The following LRIF1 variants were observed in gnomAD, a reference collection of about 807,000 sequenced individuals.
LRIF1 encodes the protein ligand-dependent nuclear receptor-interacting factor 1.
In LRIF1, 32 loss-of-function variants were observed where a neutral mutation model predicts 52.7. The observed-to-expected ratio is 0.61, with a 90% CI of 0.46 to 0.82. LRIF1 has a LOEUF of 0.82. Ranked by LOEUF, LRIF1 falls within the 40% of genes least tolerant of loss-of-function variation. The probability of loss-of-function intolerance (pLI) is 0.00; values close to 1 mark genes in which losing one functional copy is unlikely to be tolerated. For missense variants in LRIF1, 887 were observed against 892.0 expected, an observed-to-expected ratio of 0.99 and a Z score of 0.07; for synonymous variants, 323 against 317.4, an observed-to-expected ratio of 1.02 and a Z score of -0.19.
In LRIF1 at chr1:110,952,714, G is replaced by T; in HGVS notation, c.170C>A (p.Pro57Gln). ...PIPKSSGNLIPLVQSSVMSDA... is the reference protein window; with the variant it reads ...PIPKSSGNLIQLVQSSVMSDA... ...AGACATGACTGAAGATTGAACTAGTGGTATAAGATTTCCAGAAGACTTAGG... is the reference window on the plus strand; with the variant it reads ...AGACATGACTGAAGATTGAACTAGTTGTATAAGATTTCCAGAAGACTTAGG... The change falls in exon 2 of 4, where the codon CCA becomes CAA. Residue 57 changes from proline (P) to glutamine (Q), a missense_variant. Physicochemically the swap from Pro to Gln is moderately conservative, Grantham distance 76. Transcript: ENST00000369763. The T allele has an allele frequency of 6.2e-7, 1 of 1,613,786 alleles. No homozygotes were observed. The highest frequency in any genetic ancestry group is 1.1e-5 in the South Asian group (1 of 91,048).
chr1:110,892,268 C>A, the LRIF1 span: 1 of 1,016,596 alleles, frequency 9.8e-7, no homozygotes, highest in Non-Finnish European at 1.6e-6. Context: ...TGATTCTGAT[C>A]TCAAGGAAGT....
chr1:110,934,926 A>T, the LRIF1 span, among the ~76,000 whole-genome samples: 2 of 152,206 alleles, frequency 1.3e-5, no homozygotes, highest in African/African-American at 4.8e-5. Flanking sequence ...GCATTGTCAT[A>T]GTGGTGGTGG....
chr1:110,952,628 T>C lies in LRIF1; in HGVS notation c.256A>G (p.Ser86Gly), dbSNP rs754474423. ...VQVTFQTQIS[S>G]SSTSASVQLP... ...TGAACTGATGCACTTGTGGAAGAGC[T>C]GGAAATCTGAGTCTGAAAAGTAACT... is the stretch of plus-strand genomic sequence containing the variant. The change falls in exon 2 of 4, where the codon AGC becomes GGC. Residue 86 changes from serine (S) to glycine (G), a missense_variant. Ser to Gly is a moderately conservative substitution (Grantham distance 56, BLOSUM62 0). Coordinates refer to ENST00000369763, the MANE Select transcript of LRIF1 (RefSeq NM_018372.4). 1 of 1,614,118 alleles carries C rather than the reference T, an allele frequency of 6.2e-7. No homozygotes were observed. Among genetic ancestry groups the C allele is most frequent in the Non-Finnish European group, 8.5e-7 (1 of 1,179,972 alleles).
the LRIF1 span, among the ~76,000 whole-genome samples, chr1:110,905,729 A>C: frequency 6.6e-6 from 1 of 152,214 alleles, no homozygotes; most frequent in Non-Finnish European, 1.5e-5. Context: ...GTACACAAAA[A>C]GACAGAGAAT....
the LRIF1 span, among the ~76,000 whole-genome samples, chr1:110,904,106 C>T: frequency 0.051 from 7,767 of 152,234 alleles, 267 homozygotes; most frequent in East Asian, 0.14. Flanking sequence ...AGCTCAGCCA[C>T]AGTACAATAG....
chr1:110,954,996 G>T (rs145978426), intron 1 of LRIF1, among the ~76,000 whole-genome samples: 2 of 152,018 alleles, frequency 1.3e-5, no homozygotes, highest in Non-Finnish European at 2.9e-5. Flanking sequence ...TATCACTTAC[G>T]CATGAACAAT....
At chr1:110,944,177 G>A (rs935212517), downstream of LRIF1, 2 of 152,244 alleles carry the variant, frequency 1.3e-5, no homozygotes, top group Admixed American at 6.5e-5. Flanking sequence ...CATATTTGGA[G>A]TATTTTGAAA....
chr1:110,892,581 C>T, the LRIF1 span: 2 of 1,453,116 alleles, frequency 1.4e-6, no homozygotes, highest in South Asian at 1.2e-5. Flanking sequence ...GAGATGGTGC[C>T]TAAATCCCAG....
chr1:110,897,840 A>G, the LRIF1 span: 1 of 1,612,524 alleles, frequency 6.2e-7, no homozygotes, highest in African/African-American at 1.3e-5. Flanking sequence ...CTGTGGTTTC[A>G]TTCCAATTTC....
At chr1:110,923,887 T>C in the LRIF1 span, among the ~76,000 whole-genome samples, 1 of 152,110 alleles carries the variant, frequency 6.6e-6, no homozygotes, top group African/African-American at 2.4e-5. Context: ...ACATTAACAT[T>C]CATACAGGAA....
chr1:110,949,593 T>C (rs191889889), intron 3 of LRIF1, among the ~76,000 whole-genome samples: 47 of 152,020 alleles, frequency 3.1e-4, no homozygotes, highest in African/African-American at 1.1e-3. Flanking sequence ...CTAATTTTTG[T>C]ATTTTTAGTA....
At chr1:110,958,311 A>G (rs1423311846) in intron 1 of LRIF1, among the ~76,000 whole-genome samples, 1 of 152,168 alleles carries the variant, frequency 6.6e-6, no homozygotes, top group East Asian at 1.9e-4. Context: ...TTAGTTTCCA[A>G]TTCTATCTTT....
At chr1:110,926,916 T>C in the LRIF1 span, among the ~76,000 whole-genome samples, 1 of 152,146 alleles carries the variant, frequency 6.6e-6, no homozygotes, top group African/African-American at 2.4e-5. Flanking sequence ...GATATACCAA[T>C]GGAACCTAAG....
the LRIF1 span, chr1:110,937,377 A>G: frequency 1.3e-5 from 2 of 152,262 alleles, no homozygotes; most frequent in East Asian, 3.9e-4. Flanking sequence ...AATATCAAGC[A>G]TCTTCTCTGA....
At chr1:110,897,372 A>G in the LRIF1 span, among the ~76,000 whole-genome samples, 4 of 152,368 alleles carry the variant, frequency 2.6e-5, no homozygotes, top group South Asian at 2.1e-4. Context: ...AAAGACTAGG[A>G]CAACCACTGA....
At chr1:110,879,668 G>C in the LRIF1 span, among the ~76,000 whole-genome samples, 1 of 152,088 alleles carries the variant, frequency 6.6e-6, no homozygotes, top group Admixed American at 6.5e-5. Context: ...CTCCAGCCTA[G>C]CTTGTAATAT....
the LRIF1 span, chr1:110,892,297 C>G: frequency 7.2e-7 from 1 of 1,387,212 alleles, no homozygotes. Context: ...GAGGAGATAC[C>G]CAAGAACCAC....
At chr1:110,924,926 G>A in the LRIF1 span, among the ~76,000 whole-genome samples, 2 of 152,070 alleles carry the variant, frequency 1.3e-5, no homozygotes, top group East Asian at 3.8e-4. Flanking sequence ...TCAAATAAAA[G>A]AGAAAAACAT....
chr1:110,948,640 G>A (rs1156803939), intron 3 of LRIF1, among the ~76,000 whole-genome samples: 1 of 152,178 alleles, frequency 6.6e-6, no homozygotes, highest in Non-Finnish European at 1.5e-5. Context: ...TCAAGTATTA[G>A]AAGGCATACT....
Sources: allele counts gnomAD v4.1 joint callset (sites outside exome capture counted in the v4.1 genomes callset), GRCh38; gene constraint gnomAD v4.1.1; transcripts MANE v1.5; gene names NCBI Gene and HGNC (gene_info 2026-07-23, HGNC 2026-07-21).